ZNF385D: variants seen among roughly 807,000 people sequenced by gnomAD.
ZNF385D encodes zinc finger protein 385D.
A neutral mutation model predicts 35.8 loss-of-function variants in ZNF385D; 15 were observed. The ratio of observed to expected loss-of-function variants is 0.42; its 90% CI spans 0.28 to 0.64. The LOEUF (loss-of-function observed/expected upper bound fraction) is 0.64. Among genes scored for constraint, ZNF385D ranks in the 30% least tolerant of loss-of-function variants. The pLI, the probability that ZNF385D is intolerant of heterozygous loss-of-function variation, is 0.23. For synonymous variants in ZNF385D, 212 were observed against 186.8 expected (o/e 1.13, Z -1.10); for missense variants, 474 against 494.6 (o/e 0.96, Z 0.39).
At chr3:21,653,354 C>CT (rs34165620) in intron 2 of ZNF385D, among the ~76,000 whole-genome samples, 15,638 of 151,534 alleles carry the variant, frequency 0.1, 876 homozygotes, top group South Asian at 0.17. Context: ...TATATTGTTT[C>CT]TTTTTTTGCT....
At chr3:22,094,860 T>A (rs577517555) in intron 3 of ZNF385D, among the ~76,000 whole-genome samples, 1 of 152,202 alleles carries the variant, frequency 6.6e-6, no homozygotes, top group East Asian at 1.9e-4. Flanking sequence ...AGGCACAGCC[T>A]CATGGTTGCC....
intron 3 of ZNF385D, among the ~76,000 whole-genome samples, chr3:22,058,218 C>A (rs1699508790): frequency 6.6e-6 from 1 of 152,142 alleles, no homozygotes. Context: ...TTGAAAAAAG[C>A]AAACTGTATT....
At chr3:21,618,377 A>G (rs1318532971) in intron 2 of ZNF385D, among the ~76,000 whole-genome samples, 2 of 152,198 alleles carry the variant, frequency 1.3e-5, no homozygotes, top group African/African-American at 4.8e-5. Context: ...AGAAGAGGCA[A>G]AGAAGGATTC....
At chr3:21,433,191 G>C (rs1473550015) in intron 5 of ZNF385D, among the ~76,000 whole-genome samples, 1 of 152,052 alleles carries the variant, frequency 6.6e-6, no homozygotes, top group Non-Finnish European at 1.5e-5. Context: ...ATCACTGATA[G>C]CATTTAATGG....
At chr3:22,067,819 C>G (rs1393975708) in intron 3 of ZNF385D, among the ~76,000 whole-genome samples, 1 of 152,080 alleles carries the variant, frequency 6.6e-6, no homozygotes, top group African/African-American at 2.4e-5. Flanking sequence ...GTCAAGAGAT[C>G]GAGACCATCC....
intron 3 of ZNF385D, among the ~76,000 whole-genome samples, chr3:21,810,540 G>A (rs901562795): frequency 6.6e-6 from 1 of 151,804 alleles, no homozygotes; most frequent in Non-Finnish European, 1.5e-5. Context: ...CTATATATGT[G>A]TGTGTATGTA....
intron 2 of ZNF385D, among the ~76,000 whole-genome samples, chr3:21,633,720 A>C (rs1008734424): frequency 6.6e-6 from 1 of 152,128 alleles, no homozygotes; most frequent in Non-Finnish European, 1.5e-5. Context: ...TATTCTTGTA[A>C]TGAATCTAGT....
intron 2 of ZNF385D, among the ~76,000 whole-genome samples, chr3:22,351,408 C>T (rs1695910483): frequency 6.6e-6 from 1 of 152,026 alleles, no homozygotes; most frequent in Non-Finnish European, 1.5e-5. Flanking sequence ...ACAAGGGATA[C>T]TAAGACACAA....
intron 3 of ZNF385D, among the ~76,000 whole-genome samples, chr3:21,550,764 C>G (rs552645171): frequency 6.6e-6 from 1 of 152,226 alleles, no homozygotes; most frequent in East Asian, 1.9e-4. Context: ...TACAGTCGTG[C>G]GCCACCACTC....
chr3:22,143,228 G>A (rs1262380692), intron 3 of ZNF385D, among the ~76,000 whole-genome samples: 2 of 151,726 alleles, frequency 1.3e-5, no homozygotes, highest in Non-Finnish European at 2.9e-5. Flanking sequence ...GACTACAGGC[G>A]CCCACCACCA....
chr3:21,587,102 A>G (rs1443755409), intron 2 of ZNF385D, among the ~76,000 whole-genome samples: 1 of 152,204 alleles, frequency 6.6e-6, no homozygotes, highest in African/African-American at 2.4e-5. Flanking sequence ...GGAAGAGATG[A>G]AAGTGGCAAG....
At chr3:21,509,644 A>G (rs1440711389) in intron 4 of ZNF385D, among the ~76,000 whole-genome samples, 1 of 152,156 alleles carries the variant, frequency 6.6e-6, no homozygotes, top group East Asian at 1.9e-4. Flanking sequence ...AAGGAGTGAA[A>G]TAAGTCTCAG....
chr3:21,495,006 T>C (rs1705717416), intron 4 of ZNF385D, among the ~76,000 whole-genome samples: 1 of 152,194 alleles, frequency 6.6e-6, no homozygotes, highest in Non-Finnish European at 1.5e-5. Context: ...AAATATTTTC[T>C]ACCCTGGATT....
chr3:21,446,113 G>A (rs1702133176), intron 4 of ZNF385D, among the ~76,000 whole-genome samples: 1 of 152,128 alleles, frequency 6.6e-6, no homozygotes, highest in South Asian at 2.1e-4. Flanking sequence ...GTATGTATAG[G>A]GTGAGGTCTG....
Position 21,564,630 on chromosome 3 carries a change from G to A in ZNF385D, c.220C>T (p.His74Tyr). 1 of 1,578,128 alleles carries A rather than the reference G, an allele frequency of 6.3e-7. No individual in the cohort carries two copies. The change falls in exon 3 of 8, where the codon CAC becomes TAC. Residue 74 changes from histidine (H) to tyrosine (Y), a missense_variant. By Grantham distance (83) the His-to-Tyr change is moderately conservative. Transcript: ENST00000281523. Reference sequence around the variant, plus strand: ...CATGATATGATTTGCTTTCTTCGGTGGGGAAGAGGAACCCCGAATGTATGG... The same window carrying A: ...CATGATATGATTTGCTTTCTTCGGTAGGGAAGAGGAACCCCGAATGTATGG... The part of the protein sequence containing the change: ...INHTFGVPLP[H>Y]RRKQIISCNI...
chr3:22,257,544 T>C (rs12637887), intron 2 of ZNF385D, among the ~76,000 whole-genome samples: 10,262 of 151,856 alleles, frequency 0.068, 929 homozygotes, highest in African/African-American at 0.2. Flanking sequence ...CTCCAGAATT[T>C]CATACGTGGT....
Position 22,025,105 on chromosome 3 carries a change from TG to T in ZNF385D, c.325+143711del, listed in dbSNP as rs1029534328. ...ACATGTGGGAGGACCCTGATGAAGC[TG>T]GGGACACTGAGTTTGTAAATTCTGA... On this transcript the variant is annotated intron_variant, in intron 3 of 5. Transcript: ENST00000494108. Among the ~76,000 whole-genome samples, 293 of 152,292 alleles carry T rather than the reference TG, an allele frequency of 1.9e-3. 1 individual carries two copies. The highest frequency in any genetic ancestry group is 6.4e-3 in the African/African-American group (267 of 41,558).
chr3:22,303,391 G>A (rs534525586), intron 2 of ZNF385D, among the ~76,000 whole-genome samples: 2 of 152,146 alleles, frequency 1.3e-5, no homozygotes, highest in East Asian at 3.9e-4. Flanking sequence ...ATAAACATAT[G>A]GCCTTTGAAA....
intron 3 of ZNF385D, among the ~76,000 whole-genome samples, chr3:21,996,063 A>G (rs558754754): frequency 3.2e-4 from 48 of 152,156 alleles, no homozygotes; most frequent in Non-Finnish European, 6.2e-4. Context: ...TGCAGGGGCT[A>G]TTGTGCCCCA....
Sources: gnomAD v4.1 joint callset for allele counts (sites outside exome capture counted in the v4.1 genomes callset) on GRCh38, gnomAD v4.1.1 for gene constraint, MANE v1.5 for transcripts, NCBI Gene and HGNC (gene_info 2026-07-23, HGNC 2026-07-21) for gene names.